The following LRP1B variants were observed in gnomAD, a reference collection of about 807,000 sequenced individuals.
LRP1B encodes the protein low-density lipoprotein receptor-related protein 1B.
In LRP1B, 217 loss-of-function variants were observed where a neutral mutation model predicts 556.6. The observed-to-expected ratio is 0.39, with a 90% CI of 0.35 to 0.44. The LOEUF (loss-of-function observed/expected upper bound fraction) is 0.44. Among genes scored for constraint, LRP1B ranks in the 20% least tolerant of loss-of-function variants. The probability of loss-of-function intolerance (pLI) is 1.00; values close to 1 mark genes in which losing one functional copy is unlikely to be tolerated. For missense variants in LRP1B, 5,053 were observed against 5,620.8 expected (o/e 0.90, Z 3.23); for synonymous variants, 2,047 against 1,865.8 (o/e 1.10, Z -2.50).
intron 47 of LRP1B, among the ~76,000 whole-genome samples, chr2:140,530,847 T>C (rs889589964): frequency 6.6e-6 from 1 of 152,154 alleles, no homozygotes; most frequent in Non-Finnish European, 1.5e-5. Flanking sequence ...AAAGGCACTG[T>C]TCTGCGCCCA....
chr2:141,576,430 C>T (rs963107401), intron 2 of LRP1B, among the ~76,000 whole-genome samples: 5 of 152,038 alleles, frequency 3.3e-5, no homozygotes, highest in African/African-American at 1.2e-4. Flanking sequence ...AGGGGAACAA[C>T]ATACACCAGG....
At chr2:141,015,948 C>T (rs2105389992) in intron 12 of LRP1B, 33 bp from the exon 13 acceptor site, 1 of 1,502,830 alleles carries the variant, frequency 6.7e-7, no homozygotes, top group Non-Finnish European at 9.3e-7. Context: ...AAAATGCATA[C>T]ATGTTATTAC....
At chr2:141,262,009 C>A (rs1339730730) in intron 3 of LRP1B, among the ~76,000 whole-genome samples, 1 of 152,098 alleles carries the variant, frequency 6.6e-6, no homozygotes, top group Non-Finnish European at 1.5e-5. Flanking sequence ...ACCAATATAT[C>A]AATCTTCCAG....
chr2:141,215,428 A>T (rs1484387688), intron 6 of LRP1B, among the ~76,000 whole-genome samples: 1 of 152,188 alleles, frequency 6.6e-6, no homozygotes, highest in Non-Finnish European at 1.5e-5. Context: ...TGCTATAAAG[A>T]TACCAGAAAA....
rs554088714 is a variant in LRP1B at position 141,353,592 on chromosome 2, A to T, written c.344-98951T>A. On this transcript the variant is annotated intron_variant, in intron 3 of 90. Coordinates refer to ENST00000389484, the MANE Select transcript of LRP1B (RefSeq NM_018557.3). ...ATTTTAAGCATTGGGAACTGTGAATAAACAAAATATGCTCATAGACAAGCT... is the reference window on the plus strand; with the variant it reads ...ATTTTAAGCATTGGGAACTGTGAATTAACAAAATATGCTCATAGACAAGCT... 3.3e-5 allele frequency among the ~76,000 whole-genome samples: 5 copies of T among 152,124 alleles called. No individual in the cohort carries two copies. In the East Asian group the frequency reaches 7.7e-4, roughly 23 times the overall value.
intron 53 of LRP1B, among the ~76,000 whole-genome samples, chr2:140,503,734 G>T (rs1689290768): frequency 6.6e-6 from 1 of 151,912 alleles, no homozygotes; most frequent in African/African-American, 2.4e-5. Context: ...CAACTTATTT[G>T]ATTTTCAACA....
intron 3 of LRP1B, among the ~76,000 whole-genome samples, chr2:141,395,737 A>G (rs554289960): frequency 6.6e-6 from 1 of 152,296 alleles, no homozygotes; most frequent in East Asian, 1.9e-4. Flanking sequence ...AGAAAACATG[A>G]AAAACAGAGG....
At chr2:140,566,227 T>C (rs530718221) in intron 43 of LRP1B, among the ~76,000 whole-genome samples, 17 of 152,222 alleles carry the variant, frequency 1.1e-4, no homozygotes, top group African/African-American at 4.1e-4. Flanking sequence ...GGTCAAGCAG[T>C]TGTAGAAGTC....
chr2:141,418,380 G>A (rs1180706255), intron 3 of LRP1B, among the ~76,000 whole-genome samples: 1 of 150,480 alleles, frequency 6.6e-6, no homozygotes, highest in African/African-American at 2.4e-5. Context: ...TTACATTTAA[G>A]TCTTTCATCC....
chr2:141,892,370 C>T (rs1699317183), intron 1 of LRP1B, among the ~76,000 whole-genome samples: 1 of 151,660 alleles, frequency 6.6e-6, no homozygotes, highest in African/African-American at 2.4e-5. Context: ...TACGGATAGA[C>T]CCTTTTTTCT....
chr2:140,558,782 A>G (rs1680824915), intron 43 of LRP1B, among the ~76,000 whole-genome samples: 1 of 151,542 alleles, frequency 6.6e-6, no homozygotes, highest in Non-Finnish European at 1.5e-5. Flanking sequence ...AAAAAATACA[A>G]AAAAAAAGCT....
chr2:140,653,129 T>A (rs1038415313), intron 41 of LRP1B, among the ~76,000 whole-genome samples: 2 of 151,988 alleles, frequency 1.3e-5, no homozygotes, highest in Non-Finnish European at 2.9e-5. Context: ...AAACATAGGA[T>A]GCTATATGGA....
intron 1 of LRP1B, among the ~76,000 whole-genome samples, chr2:142,092,529 A>G (rs7608258): frequency 0.67 from 101,688 of 151,924 alleles, 34,210 homozygotes; most frequent in East Asian, 0.71. Context: ...AATACAAGAA[A>G]TCCAATGCTT....
At position 141,476,562 on chromosome 2, in the gene LRP1B, T is replaced by C. The variant is rs548704792; in HGVS notation, c.343+3834A>G. ...ATTTCTACATGCAAGTACCCCCATA[T>C]ACAAAAATCCATTATTCTTTCTTCA... is the stretch of plus-strand genomic sequence containing the variant. On this transcript the variant is annotated intron_variant, in intron 3 of 90. Transcript: ENST00000389484. 2.6e-5 allele frequency among the ~76,000 whole-genome samples: 4 copies of C among 152,312 alleles called. No individual in the cohort carries two copies. In the South Asian group the frequency reaches 8.3e-4, roughly 32 times the overall value.
chr2:140,314,204 A>G (rs1017384160), intron 83 of LRP1B, among the ~76,000 whole-genome samples: 1 of 152,038 alleles, frequency 6.6e-6, no homozygotes, highest in Non-Finnish European at 1.5e-5. Flanking sequence ...CATAGATTGC[A>G]CTATAATAGT....
chr2:141,009,041 C>G (rs1697661919), intron 14 of LRP1B, among the ~76,000 whole-genome samples: 1 of 151,884 alleles, frequency 6.6e-6, no homozygotes, highest in African/African-American at 2.4e-5. Context: ...TTCAGTCTTT[C>G]CTTAATCTGA....
chr2:141,265,580 A>G (rs1177571595), intron 3 of LRP1B, among the ~76,000 whole-genome samples: 1 of 152,196 alleles, frequency 6.6e-6, no homozygotes, highest in East Asian at 1.9e-4. Context: ...GTAATGAATA[A>G]TATGCAATGT....
intron 6 of LRP1B, among the ~76,000 whole-genome samples, chr2:141,215,978 G>T (rs1418029259): frequency 1.6e-4 from 24 of 152,186 alleles, no homozygotes; most frequent in Admixed American, 1.6e-3. Flanking sequence ...ACAGAAATTT[G>T]CATAACTAAA....
At chr2:141,283,862 G>A (rs1685603157) in intron 3 of LRP1B, among the ~76,000 whole-genome samples, 1 of 151,974 alleles carries the variant, frequency 6.6e-6, no homozygotes, top group Non-Finnish European at 1.5e-5. Flanking sequence ...TCATAAAAAG[G>A]AAGGGAATAA....
Sources: allele counts gnomAD v4.1 joint callset (sites outside exome capture counted in the v4.1 genomes callset), GRCh38; gene constraint gnomAD v4.1.1; transcripts MANE v1.5; gene names NCBI Gene and HGNC (gene_info 2026-07-23, HGNC 2026-07-21).